The following SSC5D variants were observed in gnomAD, a reference collection of about 807,000 sequenced individuals.
The protein encoded by SSC5D is scavenger receptor cysteine rich family member with 5 domains.
SSC5D carries 106 observed loss-of-function variants against 104.6 expected under a neutral mutation model. The observed-to-expected ratio is 1.01, with a 90% confidence interval of 0.87 to 1.19. The LOEUF (loss-of-function observed/expected upper bound fraction) is 1.19, where lower values mean the gene tolerates loss of function less well. Ranked by LOEUF, SSC5D falls within the 50% of genes most tolerant of loss-of-function variation. The pLI is 0.00. For synonymous variants in SSC5D, 860 were observed against 883.5 expected, an observed-to-expected ratio of 0.97 and a Z score of 0.47; for missense variants, 1,993 against 2,153.8, an observed-to-expected ratio of 0.93 and a Z score of 1.48.
In SSC5D at chr19:55,500,174, C is replaced by T. The variant is rs779211231; in HGVS notation, c.2064C>T (p.Ala688=). ...TTACCAGAAGGCCGACCACGGAGGC[C>T]CCCCAGAGATGGACCTCTCACACCA... ...SEFTRRPTTE[A]PQRWTSHTTA... The change falls in exon 10 of 14, where the codon GCC becomes GCT. Residue 688 remains alanine, a synonymous_variant. Transcript: ENST00000389623. The surrounding 1 kb of genome is among the most constrained non-coding windows in gnomAD (Gnocchi z 4.6). The T allele has an allele frequency of 2.3e-5, 35 of 1,551,226 alleles. No homozygotes were observed. Among genetic ancestry groups the T allele is most frequent in the African/African-American group, 4.1e-5 (3 of 72,866 alleles).
At chr19:55,498,590 A>G (rs1363693831) in intron 9 of SSC5D, among the ~76,000 whole-genome samples, 1 of 152,232 alleles carries the variant, frequency 6.6e-6, no homozygotes, top group East Asian at 1.9e-4. Context: ...GAAAGAAGCC[A>G]AAGTGAGAGC....
At chr19:55,489,323 C>T in intron 2 of SSC5D, 31 bp from the exon 3 acceptor site, 5 of 1,425,582 alleles carry the variant, frequency 3.5e-6, no homozygotes, top group Non-Finnish European at 4.6e-6. Flanking sequence ...GGATGCCCCT[C>T]CCCAGTCACA....
Position 55,489,362 on chromosome 19 carries a change from C to A in SSC5D, c.61C>A (p.Arg21Ser), listed in dbSNP as rs779043729. The A allele has an allele frequency of 5.5e-6, 8 of 1,457,250 alleles. No individual in the cohort carries two copies. Among genetic ancestry groups the A allele is most frequent in the Middle Eastern group, 2.4e-4 (1 of 4,236 alleles). 90.3% of individuals were successfully genotyped at this position (1,457,250 alleles called of 1,614,324 possible). Residue 21 changes from arginine (R) to serine (S), a missense_variant, in exon 3 of 14, where the codon CGC (arginine) becomes AGC (serine). Coordinates refer to ENST00000389623, the MANE Select transcript of SSC5D (RefSeq NM_001144950.2). ...ATTCCTCCAACCCTCAGAGCGCCTG[C>A]GCCTGGCCGATGGCCCCCATGGGTG... is the stretch of plus-strand genomic sequence containing the variant. ...LVGIQAVERL[R>S]LADGPHGCAG...
intron 12 of SSC5D, among the ~76,000 whole-genome samples, chr19:55,505,032 A>G (rs1003030611): frequency 6.6e-6 from 1 of 150,568 alleles, no homozygotes; most frequent in Non-Finnish European, 1.5e-5. Flanking sequence ...ATTGGGAACC[A>G]TATGCTAAAA....
chr19:55,498,035 C>A lies in SSC5D; in HGVS notation c.1543C>A (p.Gln515Lys). 1 of 1,551,754 alleles carries A rather than the reference C, an allele frequency of 6.4e-7. No homozygotes were observed. Among genetic ancestry groups the A allele is most frequent in the Non-Finnish European group, 8.7e-7 (1 of 1,147,012 alleles). The change falls in exon 9 of 14, where the codon CAG becomes AAG. Residue 515 changes from glutamine (Q) to lysine (K), a missense_variant. Gln to Lys is a moderately conservative substitution (Grantham distance 53, BLOSUM62 1). This residue lies in a region of SSC5D where 1,101 missense variants were observed against 1,085.0 expected (regional missense o/e 1.01). Coordinates refer to ENST00000389623, the MANE Select transcript of SSC5D (RefSeq NM_001144950.2). ...GGAGCTGGGCTGTGGTGGACCTCAG[C>A]AGCCAGACCCTGCTGCTGGCCGCTT... The part of the protein sequence containing the change: ...CRELGCGGPQ[Q>K]PDPAAGRFGW...
In SSC5D at chr19:55,500,803, T is replaced by G. The variant is rs1434789459; in HGVS notation, c.2616T>G (p.Thr872=). The change falls in exon 11 of 14, where the codon ACT becomes ACG. Residue 872 remains threonine, a splice_region_variant and synonymous_variant. Transcript: ENST00000389623. The surrounding 1 kb of genome is among the most constrained non-coding windows in gnomAD (Gnocchi z 4.6). ...DHEEDVGLTC[T]GYTDYDDYPP... is the part of the protein sequence containing the mutation. ...AGGAAGACGTGGGGCTCACCTGCAC[T>G]GGTACCAGGGCATGGCGGCGGTGGT... The G allele has an allele frequency of 3.5e-5, 54 of 1,542,378 alleles. No homozygotes were observed. In the Middle Eastern group the frequency reaches 6.7e-4, roughly 19 times the overall value.
In SSC5D at chr19:55,500,251, C is replaced by T. The variant is rs1987446892; in HGVS notation, c.2141C>T (p.Ala714Val). The change falls in exon 10 of 14, where the codon GCA becomes GTA. Residue 714 changes from alanine (A) to valine (V), a missense_variant. Coordinates refer to ENST00000389623, the MANE Select transcript of SSC5D (RefSeq NM_001144950.2). This position sits in a 1 kb window ranked among gnomAD's most constrained non-coding sequence, Gnocchi z 4.6. ...APRERTTKTM[A>V]MLTTQGPQEM... The stretch of plus-strand genomic sequence containing the variant: ...CGAGAACGGACCACTAAGACCATGG[C>T]AATGCTGACCACTCAAGGCCCCCAA... 1 of 1,551,420 alleles carries T rather than the reference C, an allele frequency of 6.4e-7. No individual in the cohort carries two copies.
At position 55,519,028 on chromosome 19, in the gene SSC5D, AC is replaced by A. The variant is rs1987963722; in HGVS notation, c.*35del. On this transcript the variant is annotated 3_prime_UTR_variant, in exon 14 of 14. Transcript: ENST00000389623. Reference sequence around the variant, plus strand: ...CTCCAGGATTTGAGGGGCTTAAGACACCCCCAACCAAAAAAAACAAAAACAA... The same window carrying A: ...CTCCAGGATTTGAGGGGCTTAAGACACCCCAACCAAAAAAAACAAAAACAA... 6.6e-7 allele frequency: 1 copy of A among 1,515,376 alleles called. No homozygotes were observed. The highest frequency in any genetic ancestry group is 8.8e-7 in the Non-Finnish European group (1 of 1,136,160). 93.9% of individuals were successfully genotyped at this position (1,515,376 alleles called of 1,614,324 possible).
chr19:55,505,642 A>AT (rs1246760858), intron 12 of SSC5D, among the ~76,000 whole-genome samples: 1 of 151,684 alleles, frequency 6.6e-6, no homozygotes, highest in Non-Finnish European at 1.5e-5. Flanking sequence ...TTGTGGCTCC[A>AT]TCCCCCATCA....
chr19:55,489,057 T>TGGGGGGGGGGGGGGGGG lies in SSC5D; in HGVS notation c.52+26_52+27insGGGGGGGGGGGGGGGGG. On this transcript the variant is annotated intron_variant, in intron 2 of 13. Transcript: ENST00000389623. Reference sequence around the variant, plus strand: ...GGTAAGTGCCCAGACTCCTCCCATCTGCCCGCCCCCCCCCCCAGGCCTCCC... The same window carrying TGGGGGGGGGGGGGGGGG: ...GGTAAGTGCCCAGACTCCTCCCATCTGGGGGGGGGGGGGGGGGGCCCGCCCCCCCCCCCAGGCCTCCC... 11 of 1,247,918 alleles carry TGGGGGGGGGGGGGGGGG rather than the reference T, an allele frequency of 8.8e-6. No homozygotes were observed. The East Asian group carries it at 2.6e-4, about 29-fold the overall frequency. 77.3% of individuals were successfully genotyped at this position (1,247,918 alleles called of 1,614,324 possible).
rs772765458 is a variant in SSC5D, at chr19:55,494,579, G to A, written c.1214-31G>A. On this transcript the variant is annotated intron_variant, in intron 7 of 13. Coordinates refer to ENST00000389623, the MANE Select transcript of SSC5D (RefSeq NM_001144950.2). Reference sequence around the variant, plus strand: ...CGGCTCCGGGATGGAGGGTGTGTGTGGGTGGCAATCACTTACCCCCTGCTC... The same window carrying A: ...CGGCTCCGGGATGGAGGGTGTGTGTAGGTGGCAATCACTTACCCCCTGCTC... The A allele has an allele frequency of 4.7e-6, 7 of 1,484,776 alleles. No individual in the cohort carries two copies. In the African/African-American group the frequency reaches 9.9e-5, roughly 21 times the overall value. The allele number at this position is 1,484,776 out of a possible 1,614,324, so 92.0% of individuals were successfully genotyped here. A position where few individuals can be genotyped will look rare whatever the true frequency, so the allele number is the denominator to read the frequency against.
chr19:55,495,901 A>ATTTTT (rs36109915), intron 8 of SSC5D, among the ~76,000 whole-genome samples: 58 of 98,700 alleles, frequency 5.9e-4, no homozygotes, highest in African/African-American at 1.6e-3. Context: ...GAGCCTGGCT[A>ATTTTT]TTTTTTTTTT....
At chr19:55,493,218 T>A (rs1225951165) in intron 6 of SSC5D, among the ~76,000 whole-genome samples, 8 of 151,870 alleles carry the variant, frequency 5.3e-5, no homozygotes, top group African/African-American at 1.7e-4. Flanking sequence ...GCCACTGGCA[T>A]GTGGTGGGTA....
chr19:55,489,397 C>T lies in SSC5D; in HGVS notation c.96C>T (p.Arg32=). 6.7e-7 allele frequency: 1 copy of T among 1,488,140 alleles called. No homozygotes were observed. The highest frequency in any genetic ancestry group is 2.6e-5 in the East Asian group (1 of 38,044). The allele number at this position is 1,488,140 out of a possible 1,614,324, so 92.2% of individuals were successfully genotyped here. ...LADGPHGCAG[R]LEVWHGGRWG... is the part of the protein sequence containing the mutation. The stretch of plus-strand genomic sequence containing the variant: ...ATGGCCCCCATGGGTGCGCTGGCCG[C>T]CTGGAGGTCTGGCATGGCGGGCGCT... The change falls in exon 3 of 14, where the codon CGC becomes CGT. Residue 32 remains arginine (R), a synonymous_variant. Coordinates refer to ENST00000389623, the MANE Select transcript of SSC5D (RefSeq NM_001144950.2).
At position 55,499,908 on chromosome 19, in the gene SSC5D, C is replaced by T; in HGVS notation, c.1798C>T (p.Leu600=). The T allele has an allele frequency of 6.4e-7, 1 of 1,551,774 alleles. No individual in the cohort carries two copies. Among genetic ancestry groups the T allele is most frequent in the Non-Finnish European group, 8.7e-7 (1 of 1,147,032 alleles). ...RDRDAWLPGE[L]ATKPSASVTA... ...TCGGGATGCCTGGCTCCCGGGAGAG[C>T]TGGCCACCAAGCCCTCTGCAAGTGT... is the stretch of plus-strand genomic sequence containing the variant. The change falls in exon 10 of 14, where the codon CTG becomes TTG. Residue 600 remains leucine (L), a synonymous_variant. Coordinates refer to ENST00000389623, the MANE Select transcript of SSC5D (RefSeq NM_001144950.2).
At chr19:55,496,305 G>A (rs771906974) in intron 8 of SSC5D, among the ~76,000 whole-genome samples, 1 of 152,210 alleles carries the variant, frequency 6.6e-6, no homozygotes, top group South Asian at 2.1e-4. Flanking sequence ...AGCTAACCCT[G>A]GGAGGGGCAG....
In SSC5D at chr19:55,503,584, C is replaced by A. The variant is rs1987565984; in HGVS notation, c.2785+2383C>A. On this transcript the variant is annotated intron_variant, in intron 12 of 13. Transcript: ENST00000389623. This position sits in a 1 kb window ranked among gnomAD's most constrained non-coding sequence, Gnocchi z 4.0. ...CCGTCCCCGCCGCCCTCGCCGCTCC[C>A]TCACGGGAGGTTTCACTCCCCACCT... Among the ~76,000 whole-genome samples the A allele has an allele frequency of 6.6e-6, 1 of 152,154 alleles. No individual in the cohort carries two copies. Among genetic ancestry groups the A allele is most frequent in the African/African-American group, 2.4e-5 (1 of 41,436 alleles).
intron 12 of SSC5D, among the ~76,000 whole-genome samples, chr19:55,510,360 T>G (rs1373361156): frequency 6.6e-6 from 1 of 151,940 alleles, no homozygotes; most frequent in Non-Finnish European, 1.5e-5. Context: ...ATCTTTTTGG[T>G]TTTTTTAGAT....
At chr19:55,489,302 TG>T in intron 2 of SSC5D, 51 bp from the exon 3 acceptor site, 1 of 1,416,790 alleles carries the variant, frequency 7.1e-7, no homozygotes. Flanking sequence ...GCCCTGGCCT[TG>T]GGGCCCCCAG....
Sources: allele counts gnomAD v4.1 joint callset (sites outside exome capture counted in the v4.1 genomes callset), GRCh38; gene constraint gnomAD v4.1.1; regional missense constraint gnomAD v4.1.1; non-coding constraint Gnocchi (gnomAD v3.1); transcripts MANE v1.5; gene names NCBI Gene and HGNC (gene_info 2026-07-23, HGNC 2026-07-21).